Variants in AADAC observed in about 807,000 individuals in gnomAD.
AADAC encodes arylacetamide deacetylase, also known as arylacetamide deacetylase (esterase).
AADAC carries 17 observed loss-of-function variants against 22.7 expected under a neutral mutation model. That is an observed-to-expected ratio of 0.75 (90% CI 0.51 to 1.12). AADAC has a LOEUF of 1.12. Among genes scored for constraint, AADAC ranks in the 50% most tolerant of loss-of-function variants. AADAC has a pLI of 0.00. For missense variants in AADAC, 465 were observed against 473.9 expected (o/e 0.98, Z 0.17); for synonymous variants, 167 against 176.3 (o/e 0.95, Z 0.42).
At chr3:151,827,286 G>T (rs1364748433) in intron 4 of AADAC, among the ~76,000 whole-genome samples, 1 of 151,876 alleles carries the variant, frequency 6.6e-6, no homozygotes, top group African/African-American at 2.4e-5. Context: ...TAGCAGAAAG[G>T]AGATTAACTT....
chr3:151,820,493 C>T, intron 3 of AADAC, 41 bp downstream of exon 3: 1 of 1,007,534 alleles, frequency 9.9e-7, no homozygotes, highest in Non-Finnish European at 1.4e-6. Context: ...AGATGTCTGA[C>T]ATGCCAAGAT....
intron 2 of AADAC, 80 bp downstream of exon 2, chr3:151,817,668 C>T (rs1238974153): frequency 7.1e-6 from 9 of 1,263,510 alleles, no homozygotes; most frequent in Non-Finnish European, 3.4e-6. Context: ...GTACACATGC[C>T]CTTCGGCATG....
At chr3:151,814,375 C>T (rs747405700) in intron 1 of AADAC, 75 bp downstream of exon 1, 16 of 1,405,412 alleles carry the variant, frequency 1.1e-5, no homozygotes, top group Non-Finnish European at 1.5e-5. Flanking sequence ...TTTCAAGATT[C>T]TATTCTTTTG....
At chr3:151,815,214 T>C (rs1715932929) in intron 1 of AADAC, among the ~76,000 whole-genome samples, 1 of 151,970 alleles carries the variant, frequency 6.6e-6, no homozygotes, top group South Asian at 2.1e-4. Context: ...TGGGCTACTG[T>C]ATGCATGGTG....
At position 151,820,518 on chromosome 3, in the gene AADAC, T is replaced by TTTC. The variant is rs1553873766; in HGVS notation, c.431+68_431+69insCTT. On this transcript the variant is annotated intron_variant, in intron 3 of 4. Transcript: ENST00000232892. ...CATGCCAAGATTTTCTCAGCTTTCT[T>TTTC]TTTTTTTTTTTTTTTTTGTGATGGA... 4.7e-5 allele frequency: 31 copies of TTTC among 660,922 alleles called. No homozygotes were observed. In the East Asian group the frequency reaches 1.6e-3, roughly 34 times the overall value. 40.9% of individuals were successfully genotyped at this position (660,922 alleles called of 1,614,324 possible).
chr3:151,820,577 G>GCAGGATC (rs1576642755), intron 3 of AADAC, 125 bp downstream of exon 3: 10 of 510,532 alleles, frequency 2.0e-5, no homozygotes, highest in Non-Finnish European at 2.2e-5. Flanking sequence ...GAGTGCAGTG[G>GCAGGATC]CAGGATCTCG....
In AADAC at chr3:151,828,036, G is replaced by T; in HGVS notation, c.1064G>T (p.Arg355Leu). 1 of 1,613,206 alleles carries T rather than the reference G, an allele frequency of 6.2e-7. No individual in the cohort carries two copies. The highest frequency in any genetic ancestry group is 1.1e-5 in the South Asian group (1 of 91,052). The change falls in exon 5 of 5, where the codon CGA becomes CTA. Residue 355 changes from arginine to leucine, a missense_variant. Arg to Leu is a moderately radical substitution (Grantham distance 102). Transcript: ENST00000232892. ...LRDDGLMYVT[R>L]LRNTGVQVTH... ...GATGATGGACTCATGTATGTCACCC[G>T]ACTTCGCAACACTGGGGTTCAGGTG...
intron 3 of AADAC, among the ~76,000 whole-genome samples, chr3:151,823,280 C>T (rs1335409434): frequency 6.8e-6 from 1 of 147,132 alleles, no homozygotes; most frequent in Non-Finnish European, 1.5e-5. Context: ...TCTGTCTCCC[C>T]GCAAAAAAAA....
Position 151,827,920 on chromosome 3 carries a change from T to G in AADAC, c.948T>G (p.Asp316Glu), listed in dbSNP as rs1246605143. The G allele has an allele frequency of 6.2e-7, 1 of 1,611,892 alleles. No individual in the cohort carries two copies. Among genetic ancestry groups the G allele is most frequent in the African/African-American group, 1.3e-5 (1 of 74,962 alleles). The change falls in exon 5 of 5, where the codon GAT (aspartate) becomes GAG (glutamate). Residue 316 changes from aspartate (D) to glutamate (E), a missense_variant. Coordinates refer to ENST00000232892, the MANE Select transcript of AADAC (RefSeq NM_001086.3). ...CTAAAAAATATCCAGGGTTCCTAGA[T>G]GTGAGGGCAGCCCCTTTGTTGGCTG... ...ELAKKYPGFL[D>E]VRAAPLLADD... is the part of the protein sequence containing the mutation.
At chr3:151,820,514 T>TGC in intron 3 of AADAC, 62 bp downstream of exon 3, 1 of 1,037,096 alleles carries the variant, frequency 9.6e-7, no homozygotes. Context: ...TTTCTCAGCT[T>TGC]TCTTTTTTTT....
intron 1 of AADAC, among the ~76,000 whole-genome samples, chr3:151,815,843 T>C (rs1417338769): frequency 6.6e-6 from 1 of 151,972 alleles, no homozygotes; most frequent in Non-Finnish European, 1.5e-5. Context: ...TTGTCCCTTT[T>C]TTCCTGATTA....
Position 151,827,862 on chromosome 3 carries a change from A to G in AADAC, c.890A>G (p.Tyr297Cys), listed in dbSNP as rs1427088822. 1.2e-6 allele frequency: 2 copies of G among 1,613,032 alleles called. No individual in the cohort carries two copies. Among genetic ancestry groups the G allele is most frequent in the African/African-American group, 1.3e-5 (1 of 74,974 alleles). The stretch of plus-strand genomic sequence containing the variant: ...GAGAGGTTTATAAAAGGACATGTTT[A>G]TAACAATCCAAATTATGGCAGTTCT... ...LPERFIKGHV[Y>C]NNPNYGSSEL... The change falls in exon 5 of 5, where the codon TAT becomes TGT. Residue 297 changes from tyrosine to cysteine, a missense_variant. Coordinates refer to ENST00000232892, the MANE Select transcript of AADAC (RefSeq NM_001086.3).
chr3:151,827,461 G>T, intron 4 of AADAC, 115 bp from the exon 5 acceptor site: 1 of 647,296 alleles, frequency 1.5e-6, no homozygotes, highest in African/African-American at 1.9e-5. Context: ...GTCTTTTTGA[G>T]ATCATGAATA....
At chr3:151,827,434 T>A (rs1384864411) in intron 4 of AADAC, 142 bp from the exon 5 acceptor site, 4 of 483,382 alleles carry the variant, frequency 8.3e-6, no homozygotes, top group Non-Finnish European at 1.0e-5. Context: ...TGGTGGTATG[T>A]TTCATTTATT....
chr3:151,817,286 T>C (rs1186283049), intron 1 of AADAC, 80 bp from the exon 2 acceptor site: 1 of 1,220,192 alleles, frequency 8.2e-7, no homozygotes, highest in Non-Finnish European at 1.2e-6. Context: ...TTATTAAGGG[T>C]TAATGTCTAC....
rs565688181 is a variant in AADAC at position 151,827,939 on chromosome 3, T to A, written c.967T>A (p.Leu323Met). Residue 323 changes from leucine to methionine, a missense_variant, in exon 5 of 5, where the codon TTG becomes ATG. Leu to Met is a conservative substitution (Grantham distance 15, BLOSUM62 2). Transcript: ENST00000232892. Reference protein sequence around the residue: ...GFLDVRAAPLLADDNKLRGLP... With the variant: ...GFLDVRAAPLMADDNKLRGLP... ...CCTAGATGTGAGGGCAGCCCCTTTG[T>A]TGGCTGATGACAACAAATTACGTGG... is the stretch of plus-strand genomic sequence containing the variant. The A allele has an allele frequency of 1.2e-6, 2 of 1,611,212 alleles. No individual in the cohort carries two copies. The highest frequency in any genetic ancestry group is 3.4e-5 in the Admixed American group (2 of 59,686).
Position 151,825,690 on chromosome 3 carries a change from T to TATA in AADAC, c.603+873_603+875dup, listed in dbSNP as rs901780147. ...TTTATCTGTCATTTAATAATGGCAATATAATAATAATAATAATAACAAATG... is the reference window on the plus strand; with the variant it reads ...TTTATCTGTCATTTAATAATGGCAATATAATAATAATAATAATAATAACAAATG... On this transcript the variant is annotated intron_variant, in intron 4 of 4. Transcript: ENST00000232892. 5.5e-4 allele frequency among the ~76,000 whole-genome samples: 83 copies of TATA among 151,610 alleles called. 2 individuals carry two copies. Among genetic ancestry groups the TATA allele is most frequent in the Non-Finnish European group, 8.6e-4 (58 of 67,790 alleles).
rs1257503405 is a variant in AADAC, at chr3:151,817,567, G to T, written c.340G>T (p.Gly114Cys). Residue 114 changes from glycine to cysteine, a missense_variant, in exon 2 of 5, where the codon GGC becomes TGC. By Grantham distance (159) the Gly-to-Cys change is radical. Coordinates refer to ENST00000232892, the MANE Select transcript of AADAC (RefSeq NM_001086.3). ...RRGLFYIHGG[G>C]WCVGSAALSG... ...GGGGTTGTTTTACATCCATGGTGGA[G>T]GCTGGTGCGTGGGAAGTGCTGGTAA... 20 of 1,613,518 alleles carry T rather than the reference G, an allele frequency of 1.2e-5. No individual in the cohort carries two copies. The highest frequency in any genetic ancestry group is 1.5e-5 in the Non-Finnish European group (18 of 1,179,646).
At chr3:151,827,439 T>C in intron 4 of AADAC, 137 bp from the exon 5 acceptor site, 1 of 483,428 alleles carries the variant, frequency 2.1e-6, no homozygotes, top group Non-Finnish European at 3.4e-6. Context: ...GTATGTTTCA[T>C]TTATTACTTA....
Sources: allele counts gnomAD v4.1 joint callset (sites outside exome capture counted in the v4.1 genomes callset), GRCh38; gene constraint gnomAD v4.1.1; transcripts MANE v1.5; gene names NCBI Gene and HGNC (gene_info 2026-07-23, HGNC 2026-07-21).